Variants in SLK observed in about 807,000 individuals in gnomAD.
SLK encodes STE20 like kinase.
Under a neutral mutation model 147.7 loss-of-function variants are expected in SLK, and 67 were observed. The observed-to-expected ratio is 0.45, with a 90% CI of 0.37 to 0.56. SLK has a LOEUF of 0.56. Among genes scored for constraint, SLK ranks in the 20% least tolerant of loss-of-function variants. The pLI, the probability that SLK is intolerant of heterozygous loss-of-function variation, is 0.00. For synonymous variants in SLK, 441 were observed against 475.0 expected, an observed-to-expected ratio of 0.93 and a Z score of 0.93; for missense variants, 1,136 against 1,438.8, an observed-to-expected ratio of 0.79 and a Z score of 3.41.
At chr10:103,970,472 A>T (rs1843778166) in intron 1 of SLK, among the ~76,000 whole-genome samples, 1 of 152,214 alleles carries the variant, frequency 6.6e-6, no homozygotes, top group South Asian at 2.1e-4. Context: ...GTATTTTAGT[A>T]TGATATTTGA....
intron 1 of SLK, among the ~76,000 whole-genome samples, chr10:103,978,862 A>G (rs1843903902): frequency 2.0e-5 from 3 of 152,310 alleles, no homozygotes; most frequent in Admixed American, 2.0e-4. Context: ...TTCTTTAGAA[A>G]GGGAAGGTAT....
chr10:104,019,259 T>G (rs1844503644), intron 15 of SLK: 1 of 191,112 alleles, frequency 5.2e-6, no homozygotes, highest in South Asian at 1.0e-4. Context: ...AAAACTCTCA[T>G]CACTAATAAC....
intron 15 of SLK, 57 bp from the exon 16 acceptor site, chr10:104,019,677 C>T (rs1844509852): frequency 1.6e-6 from 2 of 1,240,802 alleles, no homozygotes; most frequent in Admixed American, 1.8e-5. Flanking sequence ...TTTGAATATG[C>T]ATGTGGGTAC....
At chr10:103,985,124 A>G (rs1843995938) in intron 1 of SLK, among the ~76,000 whole-genome samples, 1 of 152,146 alleles carries the variant, frequency 6.6e-6, no homozygotes, top group South Asian at 2.1e-4. Flanking sequence ...CTATTTTATT[A>G]TTATTGTTGT....
At position 104,010,917 on chromosome 10, in the gene SLK, A is replaced by C; in HGVS notation, c.2877+9A>C. ...AAAGCCAGCATGCTCAGGTAACAGC[A>C]GCAGCTTAATGCTACTAAAACCAGA... On this transcript the variant is annotated intron_variant, in intron 13 of 18. Coordinates refer to ENST00000369755, the MANE Select transcript of SLK (RefSeq NM_014720.4). 1 of 1,551,664 alleles carries C rather than the reference A, an allele frequency of 6.4e-7. No individual in the cohort carries two copies. The highest frequency in any genetic ancestry group is 2.3e-5 in the East Asian group (1 of 43,492).
chr10:104,011,226 T>G (rs1844396044), intron 13 of SLK, among the ~76,000 whole-genome samples: 1 of 152,222 alleles, frequency 6.6e-6, no homozygotes, highest in African/African-American at 2.4e-5. Context: ...AATGCCAATG[T>G]TTGTTAGAAA....
chr10:103,988,302 C>T (rs1461746087), intron 1 of SLK, among the ~76,000 whole-genome samples: 4 of 152,132 alleles, frequency 2.6e-5, no homozygotes, highest in African/African-American at 9.7e-5. Flanking sequence ...TTTCAAGTGC[C>T]TTTCAAACTC....
intron 1 of SLK, among the ~76,000 whole-genome samples, chr10:103,989,146 A>G (rs1383120410): frequency 6.6e-6 from 1 of 152,246 alleles, no homozygotes; most frequent in Non-Finnish European, 1.5e-5. Flanking sequence ...AAGGAAAGTT[A>G]TCCAGAATAT....
intron 1 of SLK, among the ~76,000 whole-genome samples, chr10:103,982,086 G>A (rs1202741041): frequency 2.0e-5 from 3 of 152,082 alleles, no homozygotes; most frequent in Non-Finnish European, 4.4e-5. Flanking sequence ...TGATGCTATC[G>A]TAAATGGGAT....
chr10:104,009,694 C>T (rs567031770), intron 12 of SLK, among the ~76,000 whole-genome samples: 18 of 152,118 alleles, frequency 1.2e-4, no homozygotes, highest in East Asian at 1.2e-3. Flanking sequence ...ATAAAAGTCT[C>T]AGTTATTGTT....
chr10:104,023,717 C>G (rs1844563681), intron 18 of SLK, among the ~76,000 whole-genome samples: 1 of 152,144 alleles, frequency 6.6e-6, no homozygotes, highest in African/African-American at 2.4e-5. Context: ...TGTATCTGCT[C>G]TCCTTTCTTT....
At chr10:104,024,333 G>A (rs566782974) in intron 18 of SLK, among the ~76,000 whole-genome samples, 25 of 152,230 alleles carry the variant, frequency 1.6e-4, no homozygotes, top group African/African-American at 5.8e-4. Context: ...GACATCTCTT[G>A]ACACTGTCAT....
chr10:104,006,769 ATTGTTGATT>A, intron 11 of SLK, among the ~76,000 whole-genome samples: 1 of 150,422 alleles, frequency 6.6e-6, no homozygotes, highest in East Asian at 2.0e-4. Flanking sequence ...TGAACTGTGG[ATTGTTGATT>A]ACATGAGTTG....
At chr10:104,015,758 A>G (rs576942957) in intron 13 of SLK, among the ~76,000 whole-genome samples, 100 of 152,300 alleles carry the variant, frequency 6.6e-4, no homozygotes, top group Non-Finnish European at 8.5e-4. Context: ...AATTACATTT[A>G]CTGTTTTAGT....
intron 1 of SLK, among the ~76,000 whole-genome samples, chr10:103,968,554 TAGAA>T (rs914150399): frequency 1.2e-4 from 19 of 152,350 alleles, no homozygotes; most frequent in African/African-American, 3.8e-4. Flanking sequence ...TTTATTTCAA[TAGAA>T]AGAGGCTTGG....
chr10:103,988,883 G>T (rs964394139), intron 1 of SLK, among the ~76,000 whole-genome samples: 6 of 152,004 alleles, frequency 3.9e-5, no homozygotes, highest in Non-Finnish European at 8.8e-5. Context: ...ACTAAAAGAG[G>T]GATTTTGTAA....
chr10:103,986,265 T>G (rs557573635), intron 1 of SLK, among the ~76,000 whole-genome samples: 1 of 152,308 alleles, frequency 6.6e-6, no homozygotes, highest in South Asian at 2.1e-4. Flanking sequence ...CTCACCATAA[T>G]ATAGAATTAG....
chr10:104,024,729 G>C (rs948299940), intron 18 of SLK, among the ~76,000 whole-genome samples: 2 of 152,104 alleles, frequency 1.3e-5, no homozygotes, highest in Non-Finnish European at 2.9e-5. Flanking sequence ...TCTCCACAAA[G>C]TCATTGATAC....
At chr10:104,024,751 T>A (rs1314590680) in intron 18 of SLK, among the ~76,000 whole-genome samples, 1 of 152,192 alleles carries the variant, frequency 6.6e-6, no homozygotes, top group Non-Finnish European at 1.5e-5. Context: ...TGTAACAAAA[T>A]GCCATAAACT....
Sources: allele counts gnomAD v4.1 joint callset (sites outside exome capture counted in the v4.1 genomes callset), GRCh38; gene constraint gnomAD v4.1.1; transcripts MANE v1.5; gene names NCBI Gene and HGNC (gene_info 2026-07-23, HGNC 2026-07-21).